NAALADL2: variants seen among roughly 807,000 people sequenced by gnomAD.
NAALADL2 encodes the protein inactive N-acetylated-alpha-linked acidic dipeptidase-like protein 2.
NAALADL2 carries 76 observed loss-of-function variants against 87.2 expected under a neutral mutation model. That is an observed-to-expected ratio of 0.87 (90% CI 0.72 to 1.05). The LOEUF is 1.05. Among genes scored for constraint, NAALADL2 ranks in the 50% least tolerant of loss-of-function variants. The pLI is 0.00. For synonymous variants in NAALADL2, 354 were observed against 331.0 expected (o/e 1.07, Z -0.75); for missense variants, 1,089 against 945.8 (o/e 1.15, Z -1.99).
intron 2 of NAALADL2, among the ~76,000 whole-genome samples, chr3:174,731,005 A>C (rs56345706): frequency 0.083 from 12,634 of 152,122 alleles, 567 homozygotes; most frequent in Middle Eastern, 0.15. Flanking sequence ...AATTTTTTTC[A>C]TAGGGAGTGC....
chr3:175,083,222 C>T (rs1423128892), intron 1 of NAALADL2, among the ~76,000 whole-genome samples: 1 of 152,164 alleles, frequency 6.6e-6, no homozygotes, highest in African/African-American at 2.4e-5. Flanking sequence ...CGGAAACAAC[C>T]TTCACATCTG....
At chr3:175,078,568 C>T (rs1372429955) in intron 1 of NAALADL2, among the ~76,000 whole-genome samples, 3 of 152,130 alleles carry the variant, frequency 2.0e-5, no homozygotes, top group African/African-American at 7.2e-5. Flanking sequence ...CATTCATTAG[C>T]AGTTACACTG....
At chr3:174,573,011 A>C (rs963482140) in intron 2 of NAALADL2, among the ~76,000 whole-genome samples, 1 of 152,198 alleles carries the variant, frequency 6.6e-6, no homozygotes, top group Non-Finnish European at 1.5e-5. Flanking sequence ...GCAGGATTCA[A>C]ATTCAGATAT....
At chr3:174,882,501 A>G (rs1402854792) in intron 1 of NAALADL2, among the ~76,000 whole-genome samples, 2 of 150,424 alleles carry the variant, frequency 1.3e-5, no homozygotes, top group Non-Finnish European at 1.5e-5. Flanking sequence ...ATATACATAT[A>G]TGTGTATATA....
At chr3:174,776,585 G>T (rs1371599490) in intron 3 of NAALADL2, among the ~76,000 whole-genome samples, 3 of 152,076 alleles carry the variant, frequency 2.0e-5, no homozygotes, top group African/African-American at 7.2e-5. Flanking sequence ...CATGAAATTT[G>T]CCACTTAGAA....
chr3:174,501,241 G>GC (rs1718870455), intron 1 of NAALADL2, among the ~76,000 whole-genome samples: 5 of 148,448 alleles, frequency 3.4e-5, no homozygotes, highest in African/African-American at 1.3e-4. Context: ...ACTACGCCCG[G>GC]CTAATTTTTT....
At chr3:174,979,304 C>CTTTTTTTTTTTTTTT (rs5854604) in intron 1 of NAALADL2, among the ~76,000 whole-genome samples, 23 of 105,218 alleles carry the variant, frequency 2.2e-4, no homozygotes, top group African/African-American at 3.6e-4. Flanking sequence ...TCTTTCTTTT[C>CTTTTTTTTTTTTTTT]TTTTTTTTTT....
At chr3:174,765,608 G>A (rs1168804857) in intron 3 of NAALADL2, among the ~76,000 whole-genome samples, 2 of 152,080 alleles carry the variant, frequency 1.3e-5, no homozygotes, top group East Asian at 3.9e-4. Flanking sequence ...CAACAATGTT[G>A]CTTATCTTCA....
chr3:175,175,111 C>T (rs1358691710), intron 2 of NAALADL2, among the ~76,000 whole-genome samples: 1 of 151,836 alleles, frequency 6.6e-6, no homozygotes, highest in Non-Finnish European at 1.5e-5. Flanking sequence ...CAAATTCTAT[C>T]CAGTAAAGAC....
chr3:174,837,525 G>A (rs576766928), intron 3 of NAALADL2, among the ~76,000 whole-genome samples: 59 of 152,300 alleles, frequency 3.9e-4, no homozygotes, highest in African/African-American at 1.4e-3. Flanking sequence ...TGGCCACAGT[G>A]GCTCACGCCT....
chr3:175,086,803 T>C (rs1482074225), intron 1 of NAALADL2, among the ~76,000 whole-genome samples: 1 of 152,162 alleles, frequency 6.6e-6, no homozygotes, highest in Non-Finnish European at 1.5e-5. Context: ...TATAAATTTG[T>C]AATAAAGATT....
At chr3:174,578,684 A>T (rs530713816) in intron 2 of NAALADL2, among the ~76,000 whole-genome samples, 1 of 151,934 alleles carries the variant, frequency 6.6e-6, no homozygotes, top group Admixed American at 6.6e-5. Flanking sequence ...AGGAACAGAG[A>T]GTGGCAGAAA....
chr3:174,705,152 A>G (rs888592359), intron 2 of NAALADL2, among the ~76,000 whole-genome samples: 5 of 152,114 alleles, frequency 3.3e-5, no homozygotes, highest in African/African-American at 1.2e-4. Flanking sequence ...CACAGGGCAC[A>G]CTCACACACA....
At chr3:175,708,653 C>A (rs1740081607) in intron 11 of NAALADL2, among the ~76,000 whole-genome samples, 1 of 150,462 alleles carries the variant, frequency 6.6e-6, no homozygotes, top group Admixed American at 6.7e-5. Context: ...TGATTAAAAA[C>A]CCTGACTAAA....
intron 3 of NAALADL2, among the ~76,000 whole-genome samples, chr3:174,844,260 A>G (rs1724347353): frequency 1.3e-5 from 2 of 152,154 alleles, no homozygotes; most frequent in East Asian, 1.9e-4. Context: ...GTTTTCCCCA[A>G]TTTGCCCTAT....
chr3:175,429,372 C>T (rs1455577947), intron 5 of NAALADL2, among the ~76,000 whole-genome samples: 1 of 151,902 alleles, frequency 6.6e-6, no homozygotes, highest in Non-Finnish European at 1.5e-5. Flanking sequence ...CTTTGACTTT[C>T]TTTTGCACCA....
intron 2 of NAALADL2, among the ~76,000 whole-genome samples, chr3:174,582,255 T>C (rs950636): frequency 0.31 from 47,674 of 152,048 alleles, 9,442 homozygotes; most frequent in East Asian, 0.76. Flanking sequence ...ATAGAATAAA[T>C]GGGGTTGAAG....
In NAALADL2 at chr3:175,343,655, GTTTTTT is replaced by G. The variant is rs113806607; in HGVS notation, c.1090+19346_1090+19351del. 6.6e-3 allele frequency among the ~76,000 whole-genome samples: 425 copies of G among 64,718 alleles called. 15 individuals are homozygous for G. The highest frequency in any genetic ancestry group is 0.019 in the African/African-American group (413 of 21,854). 42.5% of individuals were successfully genotyped at this position (64,718 alleles called of 152,430 possible). On this transcript the variant is annotated intron_variant, in intron 5 of 13. Transcript: ENST00000454872. ...TGGAGTTCCTGTGTGTCTTGATCATGTTTTTTTTTTTTTTTTTTTTTCCCTTCCCAC... is the reference window on the plus strand; with the variant it reads ...TGGAGTTCCTGTGTGTCTTGATCATGTTTTTTTTTTTTTTTCCCTTCCCAC...
Position 175,711,123 on chromosome 3 carries a change from G to T in NAALADL2, c.1897-26183G>T, listed in dbSNP as rs371049147. On this transcript the variant is annotated intron_variant, in intron 11 of 13. Coordinates refer to ENST00000454872, the MANE Select transcript of NAALADL2 (RefSeq NM_207015.3). ...AAAAGAAAATATTTCCTATGCATGA[G>T]AAATGATAGAAAGACCAGAGCCGCT... 7.2e-5 allele frequency among the ~76,000 whole-genome samples: 11 copies of T among 151,916 alleles called. No homozygotes were observed. The South Asian group carries it at 2.1e-3, about 29-fold the overall frequency.
Sources: allele counts gnomAD v4.1 joint callset (sites outside exome capture counted in the v4.1 genomes callset), GRCh38; gene constraint gnomAD v4.1.1; transcripts MANE v1.5; gene names NCBI Gene and HGNC (gene_info 2026-07-23, HGNC 2026-07-21).